CLIC5: variants seen among roughly 807,000 people sequenced by gnomAD.
CLIC5 encodes the protein chloride intracellular channel protein 5.
CLIC5 carries 20 observed loss-of-function variants against 24.7 expected under a neutral mutation model. The observed-to-expected ratio is 0.81, with a 90% CI of 0.57 to 1.18. The LOEUF (loss-of-function observed/expected upper bound fraction) is 1.18, where lower values mean the gene tolerates loss of function less well. Among genes scored for constraint, CLIC5 ranks in the 50% most tolerant of loss-of-function variants. The pLI is 0.00. For synonymous variants in CLIC5, 159 were observed against 135.6 expected, an observed-to-expected ratio of 1.17 and a Z score of -1.20; for missense variants, 341 against 326.1, an observed-to-expected ratio of 1.05 and a Z score of -0.35.
intron 4 of CLIC5, among the ~76,000 whole-genome samples, chr6:45,929,283 C>A (rs964731385): frequency 6.6e-6 from 1 of 152,210 alleles, no homozygotes; most frequent in Non-Finnish European, 1.5e-5. Flanking sequence ...CTGGAGGAAT[C>A]CCTCAGGCAG....
chr6:46,040,237 G>A (rs987486171), intron 1 of CLIC5, among the ~76,000 whole-genome samples: 5 of 152,140 alleles, frequency 3.3e-5, no homozygotes, highest in Non-Finnish European at 7.4e-5. Flanking sequence ...TGATGGTGAC[G>A]GTAGCATGTG....
chr6:45,955,325 G>C (rs1035597074), intron 1 of CLIC5, 81 bp from the exon 2 acceptor site: 1 of 957,142 alleles, frequency 1.0e-6, no homozygotes, highest in African/African-American at 1.6e-5. Flanking sequence ...CCAAATGCAG[G>C]TCTGAGGAGA....
chr6:45,913,981 C>T (rs920884750), intron 5 of CLIC5, among the ~76,000 whole-genome samples: 7 of 152,116 alleles, frequency 4.6e-5, no homozygotes, highest in Admixed American at 1.3e-4. Flanking sequence ...AGCACTTTCA[C>T]GCTGTATTTA....
At chr6:46,090,038 A>G in the CLIC5 span, among the ~76,000 whole-genome samples, 1 of 152,328 alleles carries the variant, frequency 6.6e-6, no homozygotes, top group Admixed American at 6.5e-5. Context: ...AACAGCTGAC[A>G]CTAAACTTCT....
chr6:46,049,759 T>C (rs541500901), intron 1 of CLIC5, among the ~76,000 whole-genome samples: 3 of 152,364 alleles, frequency 2.0e-5, no homozygotes, highest in Non-Finnish European at 4.4e-5. Context: ...CATCAGCTTT[T>C]GACAGGCTAT....
upstream of CLIC5, chr6:46,015,933 G>C (rs1013138587): frequency 3.0e-6 from 3 of 996,624 alleles, no homozygotes; most frequent in South Asian, 9.3e-5. Flanking sequence ...GGGACGCGGC[G>C]GGGACACCCC....
chr6:46,078,361 A>C (rs1380331955), intron 1 of CLIC5, among the ~76,000 whole-genome samples: 3 of 131,050 alleles, frequency 2.3e-5, no homozygotes, highest in Non-Finnish European at 3.5e-5. Flanking sequence ...CTCTGTCTCA[A>C]AAAAGAAAAA....
chr6:46,097,329 T>G, the CLIC5 span: 3 of 152,192 alleles, frequency 2.0e-5, no homozygotes, highest in Non-Finnish European at 4.4e-5. Flanking sequence ...ATGCTGGAAA[T>G]TTTTCATAAT....
chr6:46,064,650 T>C (rs1247412710), intron 1 of CLIC5, among the ~76,000 whole-genome samples: 1 of 152,122 alleles, frequency 6.6e-6, no homozygotes, highest in Non-Finnish European at 1.5e-5. Flanking sequence ...AAATCATTAC[T>C]AAGTGGGGTT....
chr6:46,011,518 T>C lies in CLIC5; in HGVS notation c.63+3962A>G, dbSNP rs1354730597. 6.6e-5 allele frequency among the ~76,000 whole-genome samples: 10 copies of C among 152,288 alleles called. No individual in the cohort carries two copies. The East Asian group carries it at 1.5e-3, about 24-fold the overall frequency. On this transcript the variant is annotated intron_variant, in intron 1 of 5. Transcript: ENST00000339561. The stretch of plus-strand genomic sequence containing the variant: ...GGGAGCAAACTGCCATCAGAAGTTT[T>C]AAAATCTCTCTCAATGGATTGAATA...
intron 1 of CLIC5, among the ~76,000 whole-genome samples, chr6:45,966,468 T>C (rs1035586449): frequency 6.6e-6 from 1 of 152,202 alleles, no homozygotes; most frequent in Non-Finnish European, 1.5e-5. Flanking sequence ...TCTGACCTAG[T>C]GGTGCCCACA....
At chr6:45,964,036 C>G (rs1764938087) in intron 1 of CLIC5, among the ~76,000 whole-genome samples, 2 of 152,124 alleles carry the variant, frequency 1.3e-5, no homozygotes, top group Admixed American at 1.3e-4. Flanking sequence ...CCAAGTGATT[C>G]CACCAATCTT....
the CLIC5 span, among the ~76,000 whole-genome samples, chr6:46,118,602 T>C: frequency 2.6e-5 from 4 of 152,224 alleles, no homozygotes; most frequent in African/African-American, 9.7e-5. Flanking sequence ...TGCACCTCAT[T>C]AAGTACTAAA....
the CLIC5 span, among the ~76,000 whole-genome samples, chr6:46,127,672 A>G: frequency 1.3e-5 from 2 of 152,148 alleles, no homozygotes. Context: ...CACCCATTCC[A>G]ACTCATTTCC....
At chr6:45,910,939 A>G (rs968747000) in intron 5 of CLIC5, among the ~76,000 whole-genome samples, 4 of 152,238 alleles carry the variant, frequency 2.6e-5, no homozygotes, top group African/African-American at 9.6e-5. Flanking sequence ...CCAGTTTGCT[A>G]TTTTGTCAAT....
chr6:45,976,002 C>T (rs1304070042), intron 1 of CLIC5, among the ~76,000 whole-genome samples: 15 of 152,048 alleles, frequency 9.9e-5, no homozygotes, highest in Non-Finnish European at 1.5e-4. Context: ...ATCCTGGGTT[C>T]CTGTGCTGAT....
chr6:46,113,633 C>T, the CLIC5 span, among the ~76,000 whole-genome samples: 9 of 152,180 alleles, frequency 5.9e-5, no homozygotes, highest in Admixed American at 1.3e-4. Context: ...GGACCAGACA[C>T]TTCTTTAATT....
rs182125798 is a variant in CLIC5, at chr6:45,988,771, G to A, written c.63+26709C>T. ...CTGACTTCTCAAGTTCCTCCCTTGC[G>A]CTTTGTGGTGCTGGCCCAGCCAATA... On this transcript the variant is annotated intron_variant, in intron 1 of 5. Transcript: ENST00000339561. Among the ~76,000 whole-genome samples, 93 of 152,316 alleles carry A rather than the reference G, an allele frequency of 6.1e-4. No individual in the cohort carries two copies. The East Asian group carries it at 9.8e-3, about 16-fold the overall frequency.
chr6:46,081,832 G>T (rs765862841), upstream of CLIC5, among the ~76,000 whole-genome samples: 1 of 152,152 alleles, frequency 6.6e-6, no homozygotes, highest in Non-Finnish European at 1.5e-5. Context: ...TGAACCTCCA[G>T]CTCAGTAATA....
Sources: gnomAD v4.1 joint callset for allele counts (sites outside exome capture counted in the v4.1 genomes callset) on GRCh38, gnomAD v4.1.1 for gene constraint, MANE v1.5 for transcripts, NCBI Gene and HGNC (gene_info 2026-07-23, HGNC 2026-07-21) for gene names.